UGT1A10: variants seen among roughly 807,000 people sequenced by gnomAD.
UGT1A10 encodes UDP-glucuronosyltransferase 1A10.
UGT1A10 carries 49 observed loss-of-function variants against 45.8 expected under a neutral mutation model. The ratio of observed to expected loss-of-function variants is 1.07; its 90% confidence interval spans 0.85 to 1.36. The LOEUF (loss-of-function observed/expected upper bound fraction) is 1.36. Among genes scored for constraint, UGT1A10 ranks in the 40% most tolerant of loss-of-function variants. UGT1A10 has a pLI of 0.00. For missense variants in UGT1A10, 745 were observed against 668.6 expected (o/e 1.11, Z -1.26); for synonymous variants, 284 against 249.7 (o/e 1.14, Z -1.29).
chr2:233,740,931 T>C (rs1341633178), intron 1 of UGT1A10: 1 of 151,798 alleles, frequency 6.6e-6, no homozygotes, highest in Non-Finnish European at 1.5e-5. Context: ...CAAAAAGTTT[T>C]TTTTTTAATT....
At chr2:233,693,955 G>A (rs2075191265) in intron 1 of UGT1A10, 1 of 1,586,932 alleles carries the variant, frequency 6.3e-7, no homozygotes, top group Admixed American at 1.8e-5. Flanking sequence ...ACTGTCCCTT[G>A]GAGGATTTCC....
chr2:233,747,491 G>A, intron 1 of UGT1A10: 2 of 1,608,968 alleles, frequency 1.2e-6, no homozygotes, highest in South Asian at 2.2e-5. Flanking sequence ...ATCGCCTTGT[G>A]CTGGGCCACA....
chr2:233,653,736 A>G (rs576251664), intron 1 of UGT1A10, among the ~76,000 whole-genome samples: 3 of 152,304 alleles, frequency 2.0e-5, no homozygotes, highest in African/African-American at 7.2e-5. Context: ...AGCTGGAATT[A>G]CAGATGCCCA....
At position 233,672,714 on chromosome 2, in the gene UGT1A10, C is replaced by G. The variant is rs200148096; in HGVS notation, c.855+35337C>G. On this transcript the variant is annotated intron_variant, in intron 1 of 4. Transcript: ENST00000344644. ...TGTTGCGAACGGACTTTGTTTTGGA[C>G]TATCCCAAACCCGTGATGCCCAACA... is the stretch of plus-strand genomic sequence containing the variant. 162 of 1,613,924 alleles carry G rather than the reference C, an allele frequency of 1.0e-4. 1 individual carries two copies. In the East Asian group the frequency reaches 2.1e-3, roughly 21 times the overall value.
At chr2:233,719,999 T>G (rs1373065524) in intron 1 of UGT1A10, among the ~76,000 whole-genome samples, 1 of 152,178 alleles carries the variant, frequency 6.6e-6, no homozygotes, top group East Asian at 1.9e-4. Context: ...GACACTACAT[T>G]CAGAACTGAT....
rs1301990036 is a variant in UGT1A10 at position 233,636,868 on chromosome 2, T to G, written c.346T>G (p.Phe116Val). The change falls in exon 1 of 5, where the codon TTT becomes GTT. Residue 116 changes from phenylalanine (F) to valine (V), a missense_variant. Coordinates refer to ENST00000344644, the MANE Select transcript of UGT1A10 (RefSeq NM_019075.4). ...TCTATTAATGAGTTCATCCAGTGGT[T>G]TTCTTGACTTATTTTTTTCGCATTG... Reference protein sequence around the residue: ...FSLLMSSSSGFLDLFFSHCRS... With the variant: ...FSLLMSSSSGVLDLFFSHCRS... 6.2e-7 allele frequency: 1 copy of G among 1,614,128 alleles called. No homozygotes were observed. The highest frequency in any genetic ancestry group is 1.3e-5 in the African/African-American group (1 of 75,042).
At chr2:233,750,081 T>C (rs1164300379) in intron 1 of UGT1A10, among the ~76,000 whole-genome samples, 3 of 151,620 alleles carry the variant, frequency 2.0e-5, no homozygotes, top group African/African-American at 7.3e-5. Context: ...CAGGCAGAGG[T>C]TGGAACAGTT....
chr2:233,734,120 A>G (rs2078485100), intron 1 of UGT1A10, among the ~76,000 whole-genome samples: 1 of 152,036 alleles, frequency 6.6e-6, no homozygotes, highest in Non-Finnish European at 1.5e-5. Context: ...AATAATAATA[A>G]TAAAAAGAAT....
At chr2:233,704,378 C>T (rs113589213) in intron 1 of UGT1A10, among the ~76,000 whole-genome samples, 7 of 151,452 alleles carry the variant, frequency 4.6e-5, no homozygotes, top group African/African-American at 1.2e-4. Flanking sequence ...CTTAGCACAT[C>T]GATTTTAACT....
intron 1 of UGT1A10, among the ~76,000 whole-genome samples, chr2:233,708,188 A>AT (rs2076007584): frequency 6.6e-6 from 1 of 152,238 alleles, no homozygotes; most frequent in Non-Finnish European, 1.5e-5. Flanking sequence ...TGTCGTGCAC[A>AT]TTTTAAATGT....
intron 1 of UGT1A10, among the ~76,000 whole-genome samples, chr2:233,677,278 A>T (rs2074386326): frequency 6.6e-6 from 1 of 152,068 alleles, no homozygotes; most frequent in South Asian, 2.1e-4. Context: ...CATGTTTTTG[A>T]TGCTATTTAA....
At chr2:233,721,716 GT>G (rs1452034335) in intron 1 of UGT1A10, 1 of 386,646 alleles carries the variant, frequency 2.6e-6, no homozygotes, top group African/African-American at 2.1e-5. Context: ...TGGATGCTTT[GT>G]TTACTTGGAT....
chr2:233,657,243 C>T (rs2073875708), intron 1 of UGT1A10, among the ~76,000 whole-genome samples: 1 of 152,200 alleles, frequency 6.6e-6, no homozygotes, highest in Non-Finnish European at 1.5e-5. Context: ...TGCTCAGAAG[C>T]ACCTGGCGGT....
chr2:233,742,455 G>T (rs1191068486), intron 1 of UGT1A10, among the ~76,000 whole-genome samples: 6 of 151,916 alleles, frequency 3.9e-5, no homozygotes, highest in African/African-American at 1.5e-4. Context: ...GGTGTTCCTT[G>T]CCCTTATTCC....
At chr2:233,760,854 A>G (rs1484529222) in intron 1 of UGT1A10, 1 of 1,613,796 alleles carries the variant, frequency 6.2e-7, no homozygotes, top group Non-Finnish European at 8.5e-7. Context: ...GCCCCAACCC[A>G]TTCTCCTACG....
Position 233,637,511 on chromosome 2 carries a change from G to C in UGT1A10, c.855+134G>C, listed in dbSNP as rs1901814. 4.0e-3 allele frequency: 5,927 copies of C among 1,477,838 alleles called. 267 individuals carry two copies. The East Asian group carries it at 0.1, about 25-fold the overall frequency. The allele number at this position is 1,477,838 out of a possible 1,614,324, so 91.5% of individuals were successfully genotyped here. A position where few individuals can be genotyped will look rare whatever the true frequency, so the allele number is the denominator to read the frequency against. ...TCTTTCCAGTTTAACAAATTATTTT[G>C]TGCGAATTCATGTACTCATCAATTA... On this transcript the variant is annotated intron_variant, in intron 1 of 4. Coordinates refer to ENST00000344644, the MANE Select transcript of UGT1A10 (RefSeq NM_019075.4).
intron 1 of UGT1A10, among the ~76,000 whole-genome samples, chr2:233,727,780 G>A (rs1337158830): frequency 6.6e-6 from 1 of 152,168 alleles, no homozygotes. Flanking sequence ...CCCAGTAGAC[G>A]CTTCCATTCA....
At chr2:233,729,643 T>C (rs1469650608) in intron 1 of UGT1A10, 1 of 1,613,972 alleles carries the variant, frequency 6.2e-7, no homozygotes, top group East Asian at 2.2e-5. Context: ...TGTGTTTTTT[T>C]TGAGGAACAT....
chr2:233,682,521 T>C, intron 1 of UGT1A10: 2 of 1,613,930 alleles, frequency 1.2e-6, no homozygotes, highest in East Asian at 2.2e-5. Flanking sequence ...AGACTTCTCT[T>C]AGGGTTCTCA....
Sources: allele counts gnomAD v4.1 joint callset (sites outside exome capture counted in the v4.1 genomes callset), GRCh38; gene constraint gnomAD v4.1.1; transcripts MANE v1.5; gene names NCBI Gene and HGNC (gene_info 2026-07-23, HGNC 2026-07-21).